The following TRAF3IP1 variants were observed in gnomAD, a reference collection of about 807,000 sequenced individuals.
The protein encoded by TRAF3IP1 is TRAF3-interacting protein 1.
TRAF3IP1 carries 53 observed loss-of-function variants against 89.9 expected under a neutral mutation model. The observed-to-expected ratio is 0.59, with a 90% CI of 0.47 to 0.74. TRAF3IP1 has a LOEUF of 0.74. TRAF3IP1 is among the 30% of genes least tolerant of loss of function. The pLI, the probability that TRAF3IP1 is intolerant of heterozygous loss-of-function variation, is 0.00. For synonymous variants in TRAF3IP1, 311 were observed against 322.1 expected (o/e 0.97, Z 0.37); for missense variants, 806 against 866.1 (o/e 0.93, Z 0.87).
intron 1 of TRAF3IP1, among the ~76,000 whole-genome samples, chr2:238,324,432 G>T (rs1001441717): frequency 6.6e-6 from 1 of 151,746 alleles, no homozygotes; most frequent in African/African-American, 2.4e-5. Context: ...GTAAAATGCC[G>T]TTCCAGGTCC....
chr2:238,330,647 G>A (rs1011991356), intron 5 of TRAF3IP1, among the ~76,000 whole-genome samples: 3 of 152,188 alleles, frequency 2.0e-5, no homozygotes, highest in Non-Finnish European at 4.4e-5. Context: ...GGGGAGGTGG[G>A]TGGGCGCCAC....
At chr2:238,382,890 C>T (rs1406821450) in intron 15 of TRAF3IP1, among the ~76,000 whole-genome samples, 2 of 151,896 alleles carry the variant, frequency 1.3e-5, no homozygotes, top group Non-Finnish European at 2.9e-5. Context: ...CTCTCTCTCT[C>T]CCCCAAGTTG....
rs1700779330 is a variant in TRAF3IP1 at position 238,386,484 on chromosome 2, T to C, written c.1690-10975T>C. Reference sequence around the variant, plus strand: ...TGCGCCACCATGCCTGGCTAATTTTTGTATTTTTAGTAGAGACGGGGTTTC... The same window carrying C: ...TGCGCCACCATGCCTGGCTAATTTTCGTATTTTTAGTAGAGACGGGGTTTC... On this transcript the variant is annotated intron_variant, in intron 15 of 16. Coordinates refer to ENST00000373327, the MANE Select transcript of TRAF3IP1 (RefSeq NM_015650.4). Among the ~76,000 whole-genome samples the C allele has an allele frequency of 2.6e-5, 4 of 152,092 alleles. No individual in the cohort carries two copies. The South Asian group carries it at 8.3e-4, about 32-fold the overall frequency.
intron 8 of TRAF3IP1, among the ~76,000 whole-genome samples, chr2:238,339,174 C>T (rs190951242): frequency 1.3e-5 from 2 of 152,312 alleles, no homozygotes; most frequent in East Asian, 1.9e-4. Flanking sequence ...TCTCTGTGTG[C>T]GTTCCCCTGA....
chr2:238,322,804 C>T (rs964236336), intron 1 of TRAF3IP1, among the ~76,000 whole-genome samples: 1 of 150,480 alleles, frequency 6.6e-6, no homozygotes, highest in African/African-American at 2.4e-5. Context: ...CTCCCATAGA[C>T]TTCCTCATCT....
intron 15 of TRAF3IP1, among the ~76,000 whole-genome samples, chr2:238,371,189 T>C (rs1700097228): frequency 6.6e-6 from 1 of 152,222 alleles, no homozygotes; most frequent in African/African-American, 2.4e-5. Context: ...TGACCTTCTA[T>C]GAGTCTGCAC....
At chr2:238,383,531 G>A (rs1385387716) in intron 15 of TRAF3IP1, among the ~76,000 whole-genome samples, 1 of 152,224 alleles carries the variant, frequency 6.6e-6, no homozygotes, top group African/African-American at 2.4e-5. Flanking sequence ...TGGTGCTGGT[G>A]TGCTTACAGG....
intron 5 of TRAF3IP1, 127 bp from the exon 6 acceptor site, chr2:238,332,697 C>T (rs548792963): frequency 6.8e-4 from 469 of 691,040 alleles, no homozygotes; most frequent in Admixed American, 8.7e-4. Context: ...GCTGGACTGG[C>T]GATGTGGTGT....
intron 1 of TRAF3IP1, among the ~76,000 whole-genome samples, chr2:238,321,640 C>G (rs1468946415): frequency 1.3e-5 from 2 of 152,206 alleles, no homozygotes; most frequent in Non-Finnish European, 2.9e-5. Flanking sequence ...AATTGCACAA[C>G]AAACATCCCC....
chr2:238,365,620 T>C (rs542070236), intron 15 of TRAF3IP1, among the ~76,000 whole-genome samples: 1 of 151,814 alleles, frequency 6.6e-6, no homozygotes, highest in African/African-American at 2.4e-5. Flanking sequence ...CTCGCGCCAC[T>C]GCACTCCAGA....
intron 15 of TRAF3IP1, among the ~76,000 whole-genome samples, chr2:238,356,625 G>A (rs961569664): frequency 9.2e-5 from 14 of 152,132 alleles, no homozygotes; most frequent in Non-Finnish European, 1.5e-4. Context: ...CGGCTTACTT[G>A]GGGAGCTCAG....
intron 15 of TRAF3IP1, among the ~76,000 whole-genome samples, chr2:238,386,026 T>C (rs943101165): frequency 1.1e-4 from 16 of 152,300 alleles, no homozygotes; most frequent in African/African-American, 3.6e-4. Context: ...GAATTACAAT[T>C]TGGGGTATAC....
intron 15 of TRAF3IP1, among the ~76,000 whole-genome samples, chr2:238,383,687 GTTCAT>G (rs1559391932): frequency 6.6e-6 from 1 of 152,202 alleles, no homozygotes; most frequent in Non-Finnish European, 1.5e-5. Context: ...ACCTGAATGT[GTTCAT>G]TTCCTCATTC....
intron 15 of TRAF3IP1, among the ~76,000 whole-genome samples, chr2:238,386,318 T>C (rs116322930): frequency 1.7e-3 from 266 of 152,278 alleles, no homozygotes; most frequent in African/African-American, 6.2e-3. Flanking sequence ...AACATTTTTT[T>C]ATTTTTATTT....
At position 238,351,862 on chromosome 2, in the gene TRAF3IP1, T is replaced by TGCGC. The variant is rs1178590570; in HGVS notation, c.1452-964_1452-963insCGCG. Among the ~76,000 whole-genome samples the TGCGC allele has an allele frequency of 4.7e-4, 45 of 95,422 alleles. No individual in the cohort carries two copies. Among genetic ancestry groups the TGCGC allele is most frequent in the Middle Eastern group, 4.3e-3 (1 of 232 alleles). The allele number at this position is 95,422 out of a possible 152,430, so 62.6% of individuals were successfully genotyped here. The stretch of plus-strand genomic sequence containing the variant: ...GTGTGTGTGTGTGTGTGTGTGTGTG[T>TGCGC]GTGTGCGCGCGCGCGCGTGTGCGTG... On this transcript the variant is annotated intron_variant, in intron 12 of 16. Transcript: ENST00000373327. The surrounding 1 kb of genome is among the most constrained non-coding windows in gnomAD (Gnocchi z 5.2).
At chr2:238,352,445 A>G (rs143363182) in intron 12 of TRAF3IP1, among the ~76,000 whole-genome samples, 113 of 152,274 alleles carry the variant, frequency 7.4e-4, no homozygotes, top group African/African-American at 2.6e-3. Context: ...CCAGGTAGAA[A>G]GCAGCAGGTG....
At chr2:238,367,283 A>T (rs1248770051) in intron 15 of TRAF3IP1, among the ~76,000 whole-genome samples, 4 of 151,656 alleles carry the variant, frequency 2.6e-5, no homozygotes, top group African/African-American at 9.7e-5. Flanking sequence ...TGTAGGAGGT[A>T]TCTGGAGAGC....
At chr2:238,325,712 G>A in intron 2 of TRAF3IP1, 97 bp from the exon 3 acceptor site, 2 of 1,240,378 alleles carry the variant, frequency 1.6e-6, no homozygotes, top group Middle Eastern at 2.5e-4. Context: ...AGCTTTGTAT[G>A]TAAACAGAAA....
In TRAF3IP1 at chr2:238,344,686, C is replaced by T. The variant is rs529410422; in HGVS notation, c.1261+88C>T. The stretch of plus-strand genomic sequence containing the variant: ...TCTCAAAGGGCCGCAGCCCAGAGCC[C>T]GAGGTTTTCCTCTTGGGTCTGAACG... On this transcript the variant is annotated intron_variant, in intron 9 of 16. Transcript: ENST00000373327. 785 of 1,140,186 alleles carry T rather than the reference C, an allele frequency of 6.9e-4. 2 individuals are homozygous for T. Among genetic ancestry groups the T allele is most frequent in the Non-Finnish European group, 9.5e-4 (722 of 756,356 alleles). 70.6% of individuals were successfully genotyped at this position (1,140,186 alleles called of 1,614,324 possible).
Sources: gnomAD v4.1 joint callset for allele counts (sites outside exome capture counted in the v4.1 genomes callset) on GRCh38, gnomAD v4.1.1 for gene constraint, Gnocchi (gnomAD v3.1) non-coding constraint, MANE v1.5 for transcripts, NCBI Gene and HGNC (gene_info 2026-07-23, HGNC 2026-07-21) for gene names.